The following NEGR1 variants were observed in gnomAD, a reference collection of about 807,000 sequenced individuals.
The protein encoded by NEGR1 is neuronal growth regulator 1.
A neutral mutation model predicts 40.9 loss-of-function variants in NEGR1; 10 were observed. The observed-to-expected ratio is 0.24, with a 90% CI of 0.15 to 0.42. NEGR1 has a LOEUF of 0.42. NEGR1 is among the 10% of genes least tolerant of loss of function. The pLI, the probability that NEGR1 is intolerant of heterozygous loss-of-function variation, is 1.00. For missense variants in NEGR1, 352 were observed against 438.9 expected, an observed-to-expected ratio of 0.80 and a Z score of 1.77; for synonymous variants, 185 against 166.8, an observed-to-expected ratio of 1.11 and a Z score of -0.84.
chr1:71,555,008 A>G (rs1447097901), intron 6 of NEGR1, among the ~76,000 whole-genome samples: 1 of 151,584 alleles, frequency 6.6e-6, no homozygotes, highest in East Asian at 1.9e-4. Context: ...GCTCATTAAA[A>G]GGAATCTATT....
Position 72,156,780 on chromosome 1 carries a change from GT to G in NEGR1, c.176+125538del, listed in dbSNP as rs1197797540. On this transcript the variant is annotated intron_variant, in intron 1 of 6. Coordinates refer to ENST00000357731, the MANE Select transcript of NEGR1 (RefSeq NM_173808.3). ...CAAATACATAAATAAATTGATAAATGTTTTTCTTGTTTAATTTGAACACAAA... is the reference window on the plus strand; with the variant it reads ...CAAATACATAAATAAATTGATAAATGTTTTCTTGTTTAATTTGAACACAAA... Among the ~76,000 whole-genome samples the G allele has an allele frequency of 2.0e-5, 3 of 152,032 alleles. No homozygotes were observed. In the East Asian group the frequency reaches 5.8e-4, roughly 29 times the overall value.
intron 2 of NEGR1, among the ~76,000 whole-genome samples, chr1:71,886,714 T>C (rs993015361): frequency 2.0e-5 from 3 of 152,152 alleles, no homozygotes; most frequent in Non-Finnish European, 4.4e-5. Context: ...TAAAGATAAA[T>C]AAGATATAAA....
intron 1 of NEGR1, among the ~76,000 whole-genome samples, chr1:72,279,397 T>C (rs1656169409): frequency 6.6e-6 from 1 of 152,192 alleles, no homozygotes; most frequent in East Asian, 1.9e-4. Flanking sequence ...TTATGGCCTT[T>C]AGCACTTAAA....
At chr1:72,072,436 T>C (rs1405184485) in intron 1 of NEGR1, among the ~76,000 whole-genome samples, 1 of 152,108 alleles carries the variant, frequency 6.6e-6, no homozygotes. Context: ...AAAATAGTGT[T>C]CAAAATCAAC....
At chr1:71,914,969 C>T (rs1240164292) in intron 2 of NEGR1, among the ~76,000 whole-genome samples, 1 of 152,108 alleles carries the variant, frequency 6.6e-6, no homozygotes, top group Non-Finnish European at 1.5e-5. Context: ...TAATGGCCAT[C>T]ATTTTGTTTA....
chr1:72,100,634 T>C (rs1315001740), intron 1 of NEGR1: 1 of 152,188 alleles, frequency 6.6e-6, no homozygotes, highest in African/African-American at 2.4e-5. Context: ...AAATTATTTG[T>C]TTATTATTTA....
At chr1:71,806,502 G>T (rs1412198530) in intron 2 of NEGR1, among the ~76,000 whole-genome samples, 1 of 146,976 alleles carries the variant, frequency 6.8e-6, no homozygotes, top group Non-Finnish European at 1.5e-5. Flanking sequence ...ACCCACTATT[G>T]TAAAAAAAAA....
chr1:72,138,880 C>A (rs779542861), intron 1 of NEGR1, among the ~76,000 whole-genome samples: 8 of 151,862 alleles, frequency 5.3e-5, no homozygotes, highest in Non-Finnish European at 7.4e-5. Flanking sequence ...AATACCCTAC[C>A]AAACAACAGC....
intron 1 of NEGR1, among the ~76,000 whole-genome samples, chr1:71,940,517 C>T (rs1054166831): frequency 6.6e-6 from 1 of 152,166 alleles, no homozygotes; most frequent in African/African-American, 2.4e-5. Context: ...TTGAACATTT[C>T]TTTTTGCTTC....
At chr1:72,213,667 C>T (rs147944727) in intron 1 of NEGR1, among the ~76,000 whole-genome samples, 2 of 152,006 alleles carry the variant, frequency 1.3e-5, no homozygotes, top group East Asian at 3.9e-4. Flanking sequence ...CCTCCCAAGA[C>T]TAAACCAGGT....
At position 71,613,986 on chromosome 1, in the gene NEGR1, T is replaced by C. The variant is rs188208701; in HGVS notation, c.668-2840A>G. The stretch of plus-strand genomic sequence containing the variant: ...CTATAAAAACTCTTACAATGGAACA[T>C]TGCCTTTCAACTAAAAAAATACCCT... On this transcript the variant is annotated intron_variant, in intron 4 of 6. Coordinates refer to ENST00000357731, the MANE Select transcript of NEGR1 (RefSeq NM_173808.3). Among the ~76,000 whole-genome samples the C allele has an allele frequency of 3.1e-3, 474 of 152,194 alleles. 10 individuals carry two copies. The highest frequency in any genetic ancestry group is 0.026 in the Admixed American group (402 of 15,290).
intron 5 of NEGR1, among the ~76,000 whole-genome samples, chr1:71,608,839 A>G (rs975297445): frequency 5.9e-5 from 9 of 152,202 alleles, no homozygotes; most frequent in Admixed American, 3.3e-4. Flanking sequence ...GTTCATAAAT[A>G]TTACTTCTTG....
rs1473032669 is a variant in NEGR1 at position 71,407,015 on chromosome 1, T to G, written c.*431A>C. On this transcript the variant is annotated 3_prime_UTR_variant, in exon 7 of 7. Transcript: ENST00000357731. Reference sequence around the variant, plus strand: ...TTATCAAAAAAGAAAAAAATGCATCTTTGTAAATGTGGATTGACTCTTATT... The same window carrying G: ...TTATCAAAAAAGAAAAAAATGCATCGTTGTAAATGTGGATTGACTCTTATT... The G allele has an allele frequency of 6.5e-6, 1 of 152,698 alleles. No individual in the cohort carries two copies. The allele number at this position is 152,698 out of a possible 1,614,324, so 9.5% of individuals were successfully genotyped here.
intron 6 of NEGR1, among the ~76,000 whole-genome samples, chr1:71,581,481 T>C (rs570618044): frequency 6.6e-4 from 100 of 152,306 alleles, no homozygotes; most frequent in Non-Finnish European, 1.2e-3. Context: ...AAAAATATCA[T>C]GTCTTATTCG....
chr1:71,791,575 C>G (rs993054047), intron 2 of NEGR1, among the ~76,000 whole-genome samples: 2 of 152,002 alleles, frequency 1.3e-5, no homozygotes, highest in Non-Finnish European at 2.9e-5. Context: ...TTCATAAATA[C>G]TGTAATATTT....
At chr1:71,473,304 G>T (rs1264980159) in intron 6 of NEGR1, among the ~76,000 whole-genome samples, 1 of 151,962 alleles carries the variant, frequency 6.6e-6, no homozygotes, top group Non-Finnish European at 1.5e-5. Flanking sequence ...CAGAAATAGG[G>T]CATGGATTAC....
At chr1:71,750,753 C>T (rs369269344) in intron 3 of NEGR1, among the ~76,000 whole-genome samples, 8 of 152,192 alleles carry the variant, frequency 5.3e-5, no homozygotes, top group African/African-American at 1.9e-4. Flanking sequence ...ACAGCCAAAC[C>T]ATCTTATTGT....
chr1:72,220,612 A>T (rs1052133494), intron 1 of NEGR1, among the ~76,000 whole-genome samples: 1 of 152,002 alleles, frequency 6.6e-6, no homozygotes, highest in East Asian at 1.9e-4. Context: ...GTGATATAGT[A>T]CTTACTAACT....
At chr1:71,637,006 T>C (rs1651176359) in intron 4 of NEGR1, among the ~76,000 whole-genome samples, 1 of 152,066 alleles carries the variant, frequency 6.6e-6, no homozygotes, top group Non-Finnish European at 1.5e-5. Context: ...CAATTTATTG[T>C]GTAAAATTTA....
Sources: allele counts gnomAD v4.1 joint callset (sites outside exome capture counted in the v4.1 genomes callset), GRCh38; gene constraint gnomAD v4.1.1; transcripts MANE v1.5; gene names NCBI Gene and HGNC (gene_info 2026-07-23, HGNC 2026-07-21).